DNAJC1: variants seen among roughly 807,000 people sequenced by gnomAD.
The protein encoded by DNAJC1 is dnaJ homolog subfamily C member 1.
DNAJC1 carries 58 observed loss-of-function variants against 76.6 expected under a neutral mutation model. The ratio of observed to expected loss-of-function variants is 0.76; its 90% CI spans 0.61 to 0.94. The LOEUF (loss-of-function observed/expected upper bound fraction) is 0.94, where lower values mean the gene tolerates loss of function less well. DNAJC1 is among the 40% of genes least tolerant of loss of function. DNAJC1 has a pLI of 0.00. For missense variants in DNAJC1, 689 were observed against 677.3 expected (o/e 1.02, Z -0.19); for synonymous variants, 258 against 267.9 (o/e 0.96, Z 0.36).
rs1270543148 is a variant in DNAJC1, at chr10:21,971,880, G to A, written c.222+31333C>T. Among the ~76,000 whole-genome samples the A allele has an allele frequency of 4.6e-5, 7 of 151,864 alleles. No homozygotes were observed. In the East Asian group the frequency reaches 1.3e-3, roughly 29 times the overall value. ...ATTAAGAGAAAACATGATTGAATGT[G>A]TCATGTAAACAGATTTCAAATATGT... is the stretch of plus-strand genomic sequence containing the variant. On this transcript the variant is annotated intron_variant, in intron 1 of 11. Coordinates refer to ENST00000376980, the MANE Select transcript of DNAJC1 (RefSeq NM_022365.4).
In DNAJC1 at chr10:21,942,080, T is replaced by C. The variant is rs537875719; in HGVS notation, c.223-12939A>G. Reference sequence around the variant, plus strand: ...TTAACTATACATATACTGAGCTCCCTTATCAAAATACAACTGATCAACAAA... The same window carrying C: ...TTAACTATACATATACTGAGCTCCCCTATCAAAATACAACTGATCAACAAA... On this transcript the variant is annotated intron_variant, in intron 1 of 11. Transcript: ENST00000376980. 4.4e-4 allele frequency among the ~76,000 whole-genome samples: 67 copies of C among 152,182 alleles called. 1 individual carries two copies. Among genetic ancestry groups the C allele is most frequent in the African/African-American group, 1.6e-3 (66 of 41,564 alleles).
intron 8 of DNAJC1, among the ~76,000 whole-genome samples, chr10:21,843,833 G>C (rs1835611960): frequency 6.6e-6 from 1 of 151,646 alleles, no homozygotes. Flanking sequence ...TCAGGCTCCT[G>C]GGTTCATGCA....
At chr10:21,899,453 GC>G (rs1418588378) in intron 7 of DNAJC1, among the ~76,000 whole-genome samples, 1 of 152,216 alleles carries the variant, frequency 6.6e-6, no homozygotes, top group Non-Finnish European at 1.5e-5. Flanking sequence ...AGGACCTGGG[GC>G]AAGGGGCAGG....
chr10:21,825,173 C>T (rs937794440), intron 8 of DNAJC1, among the ~76,000 whole-genome samples: 2 of 152,184 alleles, frequency 1.3e-5, no homozygotes, highest in Non-Finnish European at 2.9e-5. Context: ...ATCTCTAGAA[C>T]CTTCTCATCA....
At chr10:21,879,127 A>T (rs1158118209) in intron 8 of DNAJC1, among the ~76,000 whole-genome samples, 1 of 152,216 alleles carries the variant, frequency 6.6e-6, no homozygotes, top group Non-Finnish European at 1.5e-5. Flanking sequence ...AGTGGCAGAA[A>T]GCATGGTTTC....
chr10:21,998,359 C>T (rs1838453736), intron 1 of DNAJC1, among the ~76,000 whole-genome samples: 1 of 129,598 alleles, frequency 7.7e-6, no homozygotes, highest in East Asian at 2.3e-4. Flanking sequence ...CACTGCACTC[C>T]AGCCTGGGCG....
intron 8 of DNAJC1, among the ~76,000 whole-genome samples, chr10:21,841,870 G>T (rs1007716843): frequency 6.6e-6 from 1 of 152,044 alleles, no homozygotes; most frequent in Non-Finnish European, 1.5e-5. Context: ...ATGATAGACT[G>T]GATGAAGAAA....
chr10:21,948,625 AG>A (rs1317654763), intron 1 of DNAJC1, among the ~76,000 whole-genome samples: 1 of 152,198 alleles, frequency 6.6e-6, no homozygotes, highest in East Asian at 1.9e-4. Flanking sequence ...CTTTTATTAT[AG>A]TATATTGTTG....
chr10:21,847,748 TTGC>T (rs1835683393), intron 8 of DNAJC1, among the ~76,000 whole-genome samples: 3 of 152,174 alleles, frequency 2.0e-5, no homozygotes, highest in Admixed American at 6.5e-5. Context: ...TCCATCTATG[TTGC>T]TGCTACTAAC....
chr10:21,777,071 A>T (rs1834461740), intron 9 of DNAJC1, among the ~76,000 whole-genome samples: 1 of 152,228 alleles, frequency 6.6e-6, no homozygotes, highest in Non-Finnish European at 1.5e-5. Flanking sequence ...GTAATAAAAT[A>T]AATGCTTACT....
intron 7 of DNAJC1, among the ~76,000 whole-genome samples, chr10:21,900,911 T>A (rs575153407): frequency 6.6e-6 from 1 of 152,302 alleles, no homozygotes; most frequent in East Asian, 1.9e-4. Flanking sequence ...TACCAACCCC[T>A]GAATCAACTA....
chr10:22,003,698 T>G lies in DNAJC1; in HGVS notation c.-264A>C, dbSNP rs555603923. 5.2e-5 allele frequency: 18 copies of G among 346,960 alleles called. No individual in the cohort carries two copies. Among genetic ancestry groups the G allele is most frequent in the Admixed American group, 9.7e-5 (2 of 20,658 alleles). The allele number at this position is 346,960 out of a possible 1,614,324, so 21.5% of individuals were successfully genotyped here. ...TCGCCCCCAGGCCTACACACAGCTG[T>G]AGAGGCAGCGCCCGGCGCCTGGGCT... On this transcript the variant is annotated 5_prime_UTR_variant, in exon 1 of 12. Transcript: ENST00000376980.
At chr10:21,833,476 A>T (rs1250480639) in intron 8 of DNAJC1, among the ~76,000 whole-genome samples, 2 of 152,212 alleles carry the variant, frequency 1.3e-5, no homozygotes, top group Non-Finnish European at 2.9e-5. Flanking sequence ...GACACAAAAA[A>T]TAAAATAAAA....
chr10:21,987,057 C>G (rs968695915), intron 1 of DNAJC1, among the ~76,000 whole-genome samples: 1 of 152,190 alleles, frequency 6.6e-6, no homozygotes, highest in African/African-American at 2.4e-5. Flanking sequence ...TGAGCCACCA[C>G]GCCCAGCCCA....
chr10:21,789,114 G>GGATC (rs957175004), intron 9 of DNAJC1, among the ~76,000 whole-genome samples: 10 of 152,088 alleles, frequency 6.6e-5, no homozygotes, highest in Non-Finnish European at 1.0e-4. Flanking sequence ...ACAGCAAGAG[G>GGATC]GATCCCCTTG....
chr10:21,757,739 C>T (rs768530533), intron 11 of DNAJC1, among the ~76,000 whole-genome samples: 74 of 152,350 alleles, frequency 4.9e-4, no homozygotes, highest in Middle Eastern at 3.4e-3. Flanking sequence ...CTGAGCTGAG[C>T]CGTGCACGGC....
At chr10:21,941,268 C>CAAAAAAAAAAAAA (rs11435502) in intron 1 of DNAJC1, among the ~76,000 whole-genome samples, 11 of 43,616 alleles carry the variant, frequency 2.5e-4, no homozygotes, top group African/African-American at 3.2e-4. Flanking sequence ...GACACTGTCT[C>CAAAAAAAAAAAAA]AAAAAAAAAA....
intron 8 of DNAJC1, among the ~76,000 whole-genome samples, chr10:21,876,892 C>T (rs1836197163): frequency 6.6e-6 from 1 of 152,156 alleles, no homozygotes. Flanking sequence ...ACAAACAAAA[C>T]ATTCCAGGAT....
At chr10:22,001,903 T>G (rs2131856872) in intron 1 of DNAJC1, among the ~76,000 whole-genome samples, 1 of 152,322 alleles carries the variant, frequency 6.6e-6, no homozygotes, top group East Asian at 1.9e-4. Flanking sequence ...AGATATATAG[T>G]GTATCTATAA....
Sources: allele counts gnomAD v4.1 joint callset (sites outside exome capture counted in the v4.1 genomes callset), GRCh38; gene constraint gnomAD v4.1.1; transcripts MANE v1.5; gene names NCBI Gene and HGNC (gene_info 2026-07-23, HGNC 2026-07-21).